Variants in KCNN2 observed in about 807,000 individuals in gnomAD.
KCNN2 encodes small conductance calcium-activated potassium channel protein 2.
KCNN2 carries 24 observed loss-of-function variants against 55.5 expected under a neutral mutation model. The observed-to-expected ratio is 0.43, with a 90% CI of 0.31 to 0.61. The LOEUF (loss-of-function observed/expected upper bound fraction) is 0.61. Ranked by LOEUF, KCNN2 falls within the 20% of genes least tolerant of loss-of-function variation. The pLI is 0.08. For missense variants in KCNN2, 754 were observed against 853.6 expected (o/e 0.88, Z 1.45); for synonymous variants, 431 against 336.1 (o/e 1.28, Z -3.09).
chr5:114,437,422 C>T (rs979060933), intron 3 of KCNN2, among the ~76,000 whole-genome samples: 6 of 151,932 alleles, frequency 3.9e-5, no homozygotes, highest in African/African-American at 1.5e-4. Context: ...TATTACTGTA[C>T]TGGCTTTGTA....
intron 4 of KCNN2, among the ~76,000 whole-genome samples, chr5:114,464,886 AT>A (rs1429435941): frequency 6.6e-6 from 1 of 151,182 alleles, no homozygotes; most frequent in Non-Finnish European, 1.5e-5. Context: ...AAATAATAGC[AT>A]TTTATTATGT....
rs756057003 is a variant in KCNN2 at position 114,486,694 on chromosome 5, G to C, written c.1891-356G>C. On this transcript the variant is annotated intron_variant, in intron 5 of 7. Transcript: ENST00000673685. Reference sequence around the variant, plus strand: ...TGGCCTCATGGTATTTTGTCTTTCTGCAGGGAAAGGAAGATCATGGAGACA... The same window carrying C: ...TGGCCTCATGGTATTTTGTCTTTCTCCAGGGAAAGGAAGATCATGGAGACA... 8 of 1,273,148 alleles carry C rather than the reference G, an allele frequency of 6.3e-6. No homozygotes were observed. In the South Asian group the frequency reaches 1.0e-4, roughly 16 times the overall value. The allele number at this position is 1,273,148 out of a possible 1,614,324, so 78.9% of individuals were successfully genotyped here. A position where few individuals can be genotyped will look rare whatever the true frequency, so the allele number is the denominator to read the frequency against.
At chr5:114,128,522 G>A (rs756118208) in intron 1 of KCNN2, among the ~76,000 whole-genome samples, 2 of 152,308 alleles carry the variant, frequency 1.3e-5, no homozygotes, top group South Asian at 4.1e-4. Flanking sequence ...TGAAATTTGG[G>A]TGGGGACACA....
At chr5:114,197,407 T>G (rs1404729094) in intron 1 of KCNN2, among the ~76,000 whole-genome samples, 1 of 152,194 alleles carries the variant, frequency 6.6e-6, no homozygotes, top group Non-Finnish European at 1.5e-5. Flanking sequence ...GTTCTTCCCA[T>G]TTTTGCAAGT....
At chr5:114,431,911 TCTAGTTTAATTC>T (rs1759808447) in intron 3 of KCNN2, among the ~76,000 whole-genome samples, 1 of 152,218 alleles carries the variant, frequency 6.6e-6, no homozygotes, top group Non-Finnish European at 1.5e-5. Flanking sequence ...GTTTTTGATT[TCTAGTTTAATTC>T]CATTTTGGTC....
rs191239580 is a variant in KCNN2 at position 114,496,407 on chromosome 5, C to T, written c.*225C>T. On this transcript the variant is annotated 3_prime_UTR_variant, in exon 8 of 8. Transcript: ENST00000673685. ...ATTATTGCTATATAGATTGTTCCTC[C>T]TGTAATTTCACTAACTTTTTATTCA... is the stretch of plus-strand genomic sequence containing the variant. 2.9e-3 allele frequency: 1,322 copies of T among 452,410 alleles called. 5 individuals are homozygous for T. Among genetic ancestry groups the T allele is most frequent in the South Asian group, 0.016 (334 of 20,704 alleles). 28.0% of individuals were successfully genotyped at this position (452,410 alleles called of 1,614,324 possible). A position where few individuals can be genotyped will look rare whatever the true frequency, so the allele number is the denominator to read the frequency against.
intron 1 of KCNN2, among the ~76,000 whole-genome samples, chr5:114,166,307 A>G (rs1318829719): frequency 6.6e-6 from 1 of 152,148 alleles, no homozygotes; most frequent in Non-Finnish European, 1.5e-5. Flanking sequence ...AACAACCAAG[A>G]ACAGCTGGAC....
At chr5:114,400,973 GTTTT>G (rs889315953) in intron 2 of KCNN2, among the ~76,000 whole-genome samples, 2 of 143,374 alleles carry the variant, frequency 1.4e-5, no homozygotes, top group African/African-American at 2.5e-5. Flanking sequence ...TCTTGACTAT[GTTTT>G]TTTTTTTCTT....
At chr5:114,306,687 A>ATT (rs377020234) in intron 2 of KCNN2, among the ~76,000 whole-genome samples, 25 of 7,244 alleles carry the variant, frequency 3.5e-3, no homozygotes, top group Non-Finnish European at 2.6e-3. Context: ...TCACACTTAA[A>ATT]TTTTTTTTTT....
At chr5:114,092,228 C>T (rs1310112428) in intron 1 of KCNN2, among the ~76,000 whole-genome samples, 1 of 152,156 alleles carries the variant, frequency 6.6e-6, no homozygotes, top group Non-Finnish European at 1.5e-5. Flanking sequence ...GGCTACAGGT[C>T]CCATGAAAGT....
intron 1 of KCNN2, among the ~76,000 whole-genome samples, chr5:114,106,643 G>GTTTTTTTTTTTTTTTTTTTTTTTTTTT (rs149036166): frequency 2.9e-5 from 2 of 69,932 alleles, no homozygotes; most frequent in Non-Finnish European, 6.3e-5. Flanking sequence ...TTTTCCAGTT[G>GTTTTTTTTTTTTTTTTTTTTTTTTTTT]TTTTTTTTTT....
intron 1 of KCNN2, among the ~76,000 whole-genome samples, chr5:114,129,056 CCTGA>C (rs1274413944): frequency 6.6e-6 from 1 of 152,074 alleles, no homozygotes; most frequent in African/African-American, 2.4e-5. Context: ...GGTTTGATAG[CCTGA>C]CTAACAACAG....
chr5:114,247,069 C>T (rs1253162704), intron 2 of KCNN2, among the ~76,000 whole-genome samples: 2 of 150,904 alleles, frequency 1.3e-5, no homozygotes, highest in South Asian at 2.1e-4. Context: ...TTTGGGAGGC[C>T]GAGGCGGGCA....
At chr5:114,107,355 T>G (rs1483887161) in intron 1 of KCNN2, among the ~76,000 whole-genome samples, 1 of 152,024 alleles carries the variant, frequency 6.6e-6, no homozygotes, top group Non-Finnish European at 1.5e-5. Flanking sequence ...TCCCTTAAGA[T>G]TGTATTTCCT....
At chr5:114,307,567 T>C (rs995564994) in intron 2 of KCNN2, among the ~76,000 whole-genome samples, 2 of 152,208 alleles carry the variant, frequency 1.3e-5, no homozygotes, top group Non-Finnish European at 2.9e-5. Flanking sequence ...TATAGTAAAC[T>C]GTGTCCTATA....
intron 2 of KCNN2, among the ~76,000 whole-genome samples, chr5:114,392,175 G>T (rs966660878): frequency 1.3e-5 from 2 of 152,130 alleles, no homozygotes; most frequent in African/African-American, 2.4e-5. Flanking sequence ...ACTTGATAGT[G>T]TTGCCTACAA....
rs757668625 is a variant in KCNN2, at chr5:114,495,916, A to G, written c.2110A>G (p.Met704Val). ...LAKTQNIMYDMISDLNERSED... is the reference protein window; with the variant it reads ...LAKTQNIMYDVISDLNERSED... ...TCAGACCCAGAACATCATGTATGAT[A>G]TGATTTCTGACTTAAACGAAAGGAG... is the stretch of plus-strand genomic sequence containing the variant. The change falls in exon 8 of 8, where the codon ATG becomes GTG. Residue 704 changes from methionine (M) to valine (V), a missense_variant. Physicochemically the swap from Met to Val is conservative, Grantham distance 21. This residue lies in a region of KCNN2 where 164 missense variants were observed against 156.6 expected (regional missense o/e 1.05). Coordinates refer to ENST00000673685, the MANE Select transcript of KCNN2 (RefSeq NM_021614.4). 7.4e-6 allele frequency: 12 copies of G among 1,613,850 alleles called. No homozygotes were observed. The South Asian group carries it at 1.2e-4, about 16-fold the overall frequency.
intron 1 of KCNN2, among the ~76,000 whole-genome samples, chr5:114,082,472 T>C (rs1750847234): frequency 6.6e-6 from 1 of 152,148 alleles, no homozygotes; most frequent in Non-Finnish European, 1.5e-5. Context: ...AAATAGGAAC[T>C]CTTCTGCAGT....
intron 1 of KCNN2, among the ~76,000 whole-genome samples, chr5:114,184,344 G>T (rs1019029948): frequency 6.6e-6 from 1 of 152,086 alleles, no homozygotes; most frequent in Non-Finnish European, 1.5e-5. Context: ...TGGCAGCAAG[G>T]TTGATAAATT....
Sources: allele counts gnomAD v4.1 joint callset (sites outside exome capture counted in the v4.1 genomes callset), GRCh38; gene constraint gnomAD v4.1.1; regional missense constraint gnomAD v4.1.1; transcripts MANE v1.5; gene names NCBI Gene and HGNC (gene_info 2026-07-23, HGNC 2026-07-21).